FAM178B: variants seen among roughly 807,000 people sequenced by gnomAD.
FAM178B encodes family with sequence similarity 178 member B, also known as protein FAM178B.
Under a neutral mutation model 91.7 loss-of-function variants are expected in FAM178B, and 82 were observed. The observed-to-expected ratio is 0.89, with a 90% CI of 0.75 to 1.07. The LOEUF is 1.07. FAM178B is among the 50% of genes least tolerant of loss of function. The pLI, the probability that FAM178B is intolerant of heterozygous loss-of-function variation, is 0.00. For synonymous variants in FAM178B, 368 were observed against 359.4 expected (o/e 1.02, Z -0.27); for missense variants, 769 against 846.7 (o/e 0.91, Z 1.14).
rs1265524686 is a variant in FAM178B, at chr2:96,954,836, G to A, written c.888-3352C>T. On this transcript the variant is annotated intron_variant, in intron 6 of 16. Coordinates refer to ENST00000490605, the MANE Select transcript of FAM178B (RefSeq NM_001122646.3). Reference sequence around the variant, plus strand: ...AGGCCCAGGCAGGAGGATAGCTTGAGGCCAGGAATTTGAGACCAGCCTAGG... The same window carrying A: ...AGGCCCAGGCAGGAGGATAGCTTGAAGCCAGGAATTTGAGACCAGCCTAGG... Among the ~76,000 whole-genome samples, 3 of 152,150 alleles carry A rather than the reference G, an allele frequency of 2.0e-5. No homozygotes were observed. The East Asian group carries it at 5.8e-4, about 29-fold the overall frequency.
chr2:96,886,215 A>C (rs2080516643), intron 14 of FAM178B, among the ~76,000 whole-genome samples: 2 of 152,144 alleles, frequency 1.3e-5, no homozygotes, highest in South Asian at 2.1e-4. Context: ...ACTCAGACCA[A>C]ACTGTTCCAT....
intron 2 of FAM178B, 36 bp from the exon 3 acceptor site, chr2:96,972,358 C>T (rs2082234266): frequency 6.8e-7 from 1 of 1,466,506 alleles, no homozygotes; most frequent in Non-Finnish European, 9.0e-7. Flanking sequence ...TCCCTCTGCC[C>T]ACCTGCCACT....
chr2:96,880,740 G>A (rs904067815), intron 14 of FAM178B, among the ~76,000 whole-genome samples: 3 of 152,160 alleles, frequency 2.0e-5, no homozygotes, highest in Non-Finnish European at 2.9e-5. Flanking sequence ...GACTACAGGC[G>A]CCCGCCACCG....
chr2:96,911,865 T>C (rs1414923492), intron 12 of FAM178B, among the ~76,000 whole-genome samples: 1 of 152,088 alleles, frequency 6.6e-6, no homozygotes, highest in Non-Finnish European at 1.5e-5. Flanking sequence ...GGGGTCCTCC[T>C]GGGAAGGCGG....
intron 12 of FAM178B, among the ~76,000 whole-genome samples, chr2:96,918,609 T>C (rs1574245683): frequency 6.6e-6 from 1 of 152,194 alleles, no homozygotes; most frequent in Admixed American, 6.5e-5. Context: ...CAATTTCACA[T>C]CAAGGAATTT....
chr2:96,972,618 C>A lies in FAM178B; in HGVS notation c.74-12G>T. On this transcript the variant is annotated splice_polypyrimidine_tract_variant and intron_variant, in intron 1 of 16. Transcript: ENST00000490605. ...GTGGGACATCTGTCCTGGAAGGAAG[C>A]GCCTGTGAGGGCAGGTGAACCTCCA... 2 of 1,550,752 alleles carry A rather than the reference C, an allele frequency of 1.3e-6. No homozygotes were observed. The highest frequency in any genetic ancestry group is 8.7e-7 in the Non-Finnish European group (1 of 1,146,772).
chr2:96,936,622 G>A (rs2081636633), intron 8 of FAM178B, among the ~76,000 whole-genome samples: 2 of 151,028 alleles, frequency 1.3e-5, no homozygotes, highest in South Asian at 4.2e-4. Context: ...CGATTCTCCT[G>A]CCCCAACCTC....
intron 13 of FAM178B, 96 bp from the exon 14 acceptor site, chr2:96,894,147 G>T: frequency 1.4e-6 from 2 of 1,434,122 alleles, no homozygotes; most frequent in Non-Finnish European, 1.9e-6. Context: ...GCTGGTGGCA[G>T]TGTGTTAGGG....
chr2:96,879,963 C>G (rs1216181641), intron 14 of FAM178B, among the ~76,000 whole-genome samples: 1 of 152,250 alleles, frequency 6.6e-6, no homozygotes, highest in Non-Finnish European at 1.5e-5. Flanking sequence ...AGTCTTGCAA[C>G]AGCTCACTGC....
chr2:96,919,729 C>T (rs2081301313), intron 12 of FAM178B, among the ~76,000 whole-genome samples: 2 of 152,152 alleles, frequency 1.3e-5, no homozygotes, highest in Admixed American at 1.3e-4. Flanking sequence ...CTCACTGAGG[C>T]CCCTGGAGTC....
intron 5 of FAM178B, among the ~76,000 whole-genome samples, chr2:96,966,267 C>A (rs529549231): frequency 1.4e-4 from 22 of 152,238 alleles, no homozygotes; most frequent in Admixed American, 5.2e-4. Flanking sequence ...CTTCCCTGAG[C>A]CCTCATCACA....
chr2:96,885,854 T>C (rs1274020494), intron 14 of FAM178B, among the ~76,000 whole-genome samples: 1 of 152,086 alleles, frequency 6.6e-6, no homozygotes, highest in Non-Finnish European at 1.5e-5. Flanking sequence ...TCGGTGCCTA[T>C]GTGTAAGAGT....
intron 4 of FAM178B, among the ~76,000 whole-genome samples, chr2:96,968,668 C>T (rs1431048169): frequency 7.2e-6 from 1 of 138,158 alleles, no homozygotes; most frequent in East Asian, 2.0e-4. Context: ...CCATCACCCT[C>T]CTCCCAGGGG....
At chr2:96,923,683 TCCGCTGGACACAGCAAATTCTTC>T in intron 9 of FAM178B, 100 bp from the exon 10 acceptor site, 1 of 824,098 alleles carries the variant, frequency 1.2e-6, no homozygotes, top group Non-Finnish European at 2.0e-6. Context: ...AGGCTGCTCA[TCCGCTGGACACAGCAAATTCTTC>T]CACACAGATG....
At chr2:96,913,752 G>C (rs574901969) in intron 12 of FAM178B, among the ~76,000 whole-genome samples, 1 of 152,336 alleles carries the variant, frequency 6.6e-6, no homozygotes, top group African/African-American at 2.4e-5. Flanking sequence ...CAGGAAGATG[G>C]AGAACCTGGC....
At position 96,972,064 on chromosome 2, in the gene FAM178B, C is replaced by T. The variant is rs2082227567; in HGVS notation, c.401G>A (p.Trp134Ter). The part of the protein sequence containing the change: ...QASREAPAQR[W>*]VGVVGPQGLR... ...GCCCTGGGGGCCCACCACACCCACC[C>T]ACCTCTGGGCCGGGGCCTCCCGACT... Residue 134 changes from tryptophan to a stop codon, truncating the protein, a stop_gained, in exon 3 of 17, where the codon TGG (tryptophan) becomes TAG (stop). Coordinates refer to ENST00000490605, the MANE Select transcript of FAM178B (RefSeq NM_001122646.3). LOFTEE classifies it high-confidence loss of function. 1.9e-6 allele frequency: 3 copies of T among 1,545,306 alleles called. No homozygotes were observed. The highest frequency in any genetic ancestry group is 1.2e-5 in the South Asian group (1 of 83,042).
chr2:96,978,089 C>T (rs2082315719), intron 1 of FAM178B, among the ~76,000 whole-genome samples: 1 of 152,208 alleles, frequency 6.6e-6, no homozygotes, highest in Non-Finnish European at 1.5e-5. Context: ...ACACTGATGA[C>T]TCAGTTCTCT....
chr2:96,961,975 G>C (rs1209958161), intron 5 of FAM178B, among the ~76,000 whole-genome samples: 9 of 152,144 alleles, frequency 5.9e-5, no homozygotes, highest in Admixed American at 5.9e-4. Flanking sequence ...CATTAGTTTT[G>C]TATCTATTGC....
chr2:96,979,119 G>T (rs2082329144), intron 1 of FAM178B, among the ~76,000 whole-genome samples: 1 of 150,070 alleles, frequency 6.7e-6, no homozygotes, highest in South Asian at 2.1e-4. Flanking sequence ...TGGGACTACA[G>T]ACACACACCA....
Sources: gnomAD v4.1 joint callset for allele counts (sites outside exome capture counted in the v4.1 genomes callset) on GRCh38, gnomAD v4.1.1 for gene constraint, MANE v1.5 for transcripts, NCBI Gene and HGNC (gene_info 2026-07-23, HGNC 2026-07-21) for gene names.